JAG2: variants seen among roughly 807,000 people sequenced by gnomAD.
The protein encoded by JAG2 is jagged canonical Notch ligand 2.
A neutral mutation model predicts 141.7 loss-of-function variants in JAG2; 46 were observed. The observed-to-expected ratio is 0.32, with a 90% CI of 0.26 to 0.42. The LOEUF (loss-of-function observed/expected upper bound fraction) is 0.42. JAG2 is among the 10% of genes least tolerant of loss of function. The pLI, the probability that JAG2 is intolerant of heterozygous loss-of-function variation, is 1.00. For synonymous variants in JAG2, 862 were observed against 763.5 expected, an observed-to-expected ratio of 1.13 and a Z score of -2.13; for missense variants, 1,500 against 1,817.5, an observed-to-expected ratio of 0.83 and a Z score of 3.18.
At chr14:105,153,604 G>A (rs774539599) in intron 5 of JAG2, among the ~76,000 whole-genome samples, 10 of 152,144 alleles carry the variant, frequency 6.6e-5, no homozygotes, top group Non-Finnish European at 1.3e-4. Context: ...GGCCATCTCC[G>A]CAGCATCCGG....
rs141925862 is a variant in JAG2, at chr14:105,147,800, G to A, written c.2337C>T (p.Asp779=). 1.6e-4 allele frequency: 255 copies of A among 1,548,810 alleles called. No individual in the cohort carries two copies. The African/African-American group carries it at 2.6e-3, about 16-fold the overall frequency. The change falls in exon 18 of 26, where the codon GAC becomes GAT. Residue 779 remains aspartate (D), a synonymous_variant. Transcript: ENST00000331782. ...SGASFSCICR[D]GWEGRTCTHN... Reference sequence around the variant, plus strand: ...GAGTGCAAGTACGACCCTCCCAGCCGTCCCGGCAGATGCAGGAGAAGGAGG... The same window carrying A: ...GAGTGCAAGTACGACCCTCCCAGCCATCCCGGCAGATGCAGGAGAAGGAGG...
Position 105,154,066 on chromosome 14 carries a change from G to A in JAG2, c.788+1496C>T, listed in dbSNP as rs970393150. ...TGCTTGCCTCCCCGCTCTGGGACTG[G>A]CCGGGAAAGCTCCTCACTGTACCCT... On this transcript the variant is annotated intron_variant, in intron 5 of 25. Transcript: ENST00000331782. The surrounding 1 kb of genome is among the most constrained non-coding windows in gnomAD (Gnocchi z 4.4). Among the ~76,000 whole-genome samples the A allele has an allele frequency of 6.6e-6, 1 of 152,182 alleles. No homozygotes were observed. The highest frequency in any genetic ancestry group is 1.5e-5 in the Non-Finnish European group (1 of 68,028).
Position 105,145,034 on chromosome 14 carries a change from C to T in JAG2, c.2980G>A (p.Gly994Arg), listed in dbSNP as rs761595269. ...QGTTVGAICSGIRSLPATRAV... is the reference protein window; with the variant it reads ...QGTTVGAICSRIRSLPATRAV... ...CTTGTGGCTGGCAGGGAGCGGATCCCGGAGCAAATGGCGCCCACCGTGGTG... is the reference window on the plus strand; with the variant it reads ...CTTGTGGCTGGCAGGGAGCGGATCCTGGAGCAAATGGCGCCCACCGTGGTG... The change falls in exon 24 of 26, where the codon GGG becomes AGG. Residue 994 changes from glycine to arginine, a missense_variant. Transcript: ENST00000331782. The T allele has an allele frequency of 9.5e-5, 153 of 1,609,868 alleles. No homozygotes were observed. Among genetic ancestry groups the T allele is most frequent in the African/African-American group, 2.0e-4 (15 of 74,878 alleles).
At chr14:105,153,209 G>A (rs917386656) in intron 5 of JAG2, among the ~76,000 whole-genome samples, 61 of 152,306 alleles carry the variant, frequency 4.0e-4, no homozygotes, top group African/African-American at 1.4e-3. Flanking sequence ...AAAGAACCAC[G>A]GCCCTTCCTG....
intron 12 of JAG2, 23 bp downstream of exon 12, chr14:105,150,581 C>A: frequency 6.5e-7 from 1 of 1,541,910 alleles, no homozygotes; most frequent in Admixed American, 2.0e-5. Context: ...GCAGGTGGGG[C>A]AGGGTGACCA....
chr14:105,158,060 C>T (rs587766813), intron 2 of JAG2, among the ~76,000 whole-genome samples: 2 of 152,044 alleles, frequency 1.3e-5, no homozygotes, highest in Middle Eastern at 3.2e-3. Context: ...CAAGTCAGCA[C>T]GGAGCACAGG....
chr14:105,155,458 CCTCCAGCCAG>C, intron 5 of JAG2, 94 bp downstream of exon 5: 3 of 1,344,578 alleles, frequency 2.2e-6, no homozygotes, highest in Non-Finnish European at 2.1e-6. Context: ...GTGTGCCCAA[CCTCCAGCCAG>C]CTCCGGGCGA....
rs1053866203 is a variant in JAG2, at chr14:105,167,123, G to T, written c.417+634C>A. Among the ~76,000 whole-genome samples, 2 of 152,092 alleles carry T rather than the reference G, an allele frequency of 1.3e-5. No homozygotes were observed. Among genetic ancestry groups the T allele is most frequent in the African/African-American group, 4.8e-5 (2 of 41,410 alleles). On this transcript the variant is annotated intron_variant, in intron 2 of 25. Transcript: ENST00000331782. This position sits in a 1 kb window ranked among gnomAD's most constrained non-coding sequence, Gnocchi z 4.8. ...ACCAGACAGCCCCGACTCAGCTTCT[G>T]CCCCTCCAGAATAACAAAACCAAAA... is the stretch of plus-strand genomic sequence containing the variant.
Position 105,141,687 on chromosome 14 carries a change from C to T in JAG2, c.*1008G>A, listed in dbSNP as rs966356396. On this transcript the variant is annotated 3_prime_UTR_variant, in exon 26 of 26. Coordinates refer to ENST00000331782, the MANE Select transcript of JAG2 (RefSeq NM_002226.5). ...CTCTGCCGGCGTGGCTCTCCCCCAA[C>T]CTCACTCTCAATACAAAAGGGACAG... 1.3e-5 allele frequency: 2 copies of T among 152,380 alleles called. No individual in the cohort carries two copies. The highest frequency in any genetic ancestry group is 1.5e-5 in the Non-Finnish European group (1 of 68,130). 9.4% of individuals were successfully genotyped at this position (152,380 alleles called of 1,614,324 possible).
chr14:105,143,658 T>G lies in JAG2; in HGVS notation c.3085-20A>C. On this transcript the variant is annotated intron_variant, in intron 24 of 25. Coordinates refer to ENST00000331782, the MANE Select transcript of JAG2 (RefSeq NM_002226.5). Reference sequence around the variant, plus strand: ...GAAGGACTGCGGCAAAGAACGGCATTGTGGGGATGGCTCGAGGGCTCCAGG... The same window carrying G: ...GAAGGACTGCGGCAAAGAACGGCATGGTGGGGATGGCTCGAGGGCTCCAGG... 6.2e-7 allele frequency: 1 copy of G among 1,604,524 alleles called. No individual in the cohort carries two copies. The highest frequency in any genetic ancestry group is 8.5e-7 in the Non-Finnish European group (1 of 1,179,594).
chr14:105,153,097 G>C (rs1014893172), intron 5 of JAG2, among the ~76,000 whole-genome samples: 2 of 152,220 alleles, frequency 1.3e-5, no homozygotes, highest in South Asian at 4.1e-4. Context: ...CGGGACTCCC[G>C]GGGGGCCCTT....
rs1297262222 is a variant in JAG2 at position 105,154,625 on chromosome 14, G to A, written c.788+937C>T. On this transcript the variant is annotated intron_variant, in intron 5 of 25. Coordinates refer to ENST00000331782, the MANE Select transcript of JAG2 (RefSeq NM_002226.5). The surrounding 1 kb of genome is among the most constrained non-coding windows in gnomAD (Gnocchi z 4.4). ...ACTCCTCATCCATCCGCCCTGACCT[G>A]TGGCAGCCGGGACTTGCTCCTTGGC... Among the ~76,000 whole-genome samples the A allele has an allele frequency of 6.6e-6, 1 of 152,098 alleles. No individual in the cohort carries two copies. The highest frequency in any genetic ancestry group is 1.5e-5 in the Non-Finnish European group (1 of 67,996).
Position 105,148,670 on chromosome 14 carries a change from CG to C in JAG2, c.2020+74del, listed in dbSNP as rs374858897. On this transcript the variant is annotated intron_variant, in intron 15 of 25. Transcript: ENST00000331782. ...TACGGGGCCTGCCGCACCCAGACAG[CG>C]GTCCATCTCAGGGTGATAAGGGGCC... 314 of 1,293,904 alleles carry C rather than the reference CG, an allele frequency of 2.4e-4. 2 individuals carry two copies. The South Asian group carries it at 3.8e-3, about 16-fold the overall frequency. 80.2% of individuals were successfully genotyped at this position (1,293,904 alleles called of 1,614,324 possible). A position where few individuals can be genotyped will look rare whatever the true frequency, so the allele number is the denominator to read the frequency against.
Position 105,143,036 on chromosome 14 carries a change from T to A in JAG2, c.3376A>T (p.Asn1126Tyr). The change falls in exon 26 of 26, where the codon AAC becomes TAC. Residue 1126 changes from asparagine to tyrosine, a missense_variant. By Grantham distance (143) the Asn-to-Tyr change is moderately radical. Coordinates refer to ENST00000331782, the MANE Select transcript of JAG2 (RefSeq NM_002226.5). The part of the protein sequence containing the change: ...SRLPREESAN[N>Y]QWAPLNPIRN... ...ATGGGGTTGAGCGGGGCCCACTGGT[T>A]GTTGGCGCTCTCCTCCCGCGGCAGC... is the stretch of plus-strand genomic sequence containing the variant. The A allele has an allele frequency of 6.2e-7, 1 of 1,604,998 alleles. No homozygotes were observed. The highest frequency in any genetic ancestry group is 1.7e-5 in the Admixed American group (1 of 59,988).
rs1196245126 is a variant in JAG2, at chr14:105,141,282, G to C, written c.*1413C>G. ...GGGGCAAAACCAGCTCCAGGGCCAGGTGGAAGGGCTGCTTCTCTCCTGCCT... is the reference window on the plus strand; with the variant it reads ...GGGGCAAAACCAGCTCCAGGGCCAGCTGGAAGGGCTGCTTCTCTCCTGCCT... On this transcript the variant is annotated 3_prime_UTR_variant, in exon 26 of 26. Coordinates refer to ENST00000331782, the MANE Select transcript of JAG2 (RefSeq NM_002226.5). 6.6e-6 allele frequency: 1 copy of C among 152,234 alleles called. No individual in the cohort carries two copies. The highest frequency in any genetic ancestry group is 1.5e-5 in the Non-Finnish European group (1 of 68,042). 9.4% of individuals were successfully genotyped at this position (152,234 alleles called of 1,614,324 possible). A position where few individuals can be genotyped will look rare whatever the true frequency, so the allele number is the denominator to read the frequency against.
intron 10 of JAG2, 24 bp from the exon 11 acceptor site, chr14:105,150,935 G>T: frequency 6.3e-7 from 1 of 1,594,388 alleles, no homozygotes; most frequent in East Asian, 2.3e-5. Context: ...AGCAGGGTCA[G>T]AGGCGGGGTC....
chr14:105,157,516 G>A (rs915176125), intron 3 of JAG2, among the ~76,000 whole-genome samples, 190 bp downstream of exon 3: 2 of 152,346 alleles, frequency 1.3e-5, no homozygotes, highest in Middle Eastern at 6.8e-3. Flanking sequence ...GACTGGGGAA[G>A]AGAGTGCATG....
rs148885540 is a variant in JAG2, at chr14:105,145,794, G to A, written c.2889C>T (p.Ser963=). 511 of 1,575,104 alleles carry A rather than the reference G, an allele frequency of 3.2e-4. 1 individual carries two copies. The African/African-American group carries it at 5.7e-3, about 18-fold the overall frequency. ...EPPSTPCLPR[S]GHLDNNCARL... ...GGGCACAGTTATTGTCCAGGTGGCC[G>A]GAGCGTGGCAGGCAGGGGGTGCTCG... Residue 963 remains serine (S), a synonymous_variant, in exon 23 of 26, where the codon TCC becomes TCT. Transcript: ENST00000331782.
intron 2 of JAG2, among the ~76,000 whole-genome samples, chr14:105,166,029 G>T (rs1858838389): frequency 6.6e-6 from 1 of 152,236 alleles, no homozygotes; most frequent in Non-Finnish European, 1.5e-5. Context: ...GACCAGGGCT[G>T]CCCCCAAACA....
Sources: allele counts gnomAD v4.1 joint callset (sites outside exome capture counted in the v4.1 genomes callset), GRCh38; gene constraint gnomAD v4.1.1; non-coding constraint Gnocchi (gnomAD v3.1); transcripts MANE v1.5; gene names NCBI Gene and HGNC (gene_info 2026-07-23, HGNC 2026-07-21).